The following SSUH2 variants were observed in gnomAD, a reference collection of about 807,000 sequenced individuals.
SSUH2 encodes ssu-2 homolog.
In SSUH2, 47 loss-of-function variants were observed where a neutral mutation model predicts 55.3. The ratio of observed to expected loss-of-function variants is 0.85; its 90% CI spans 0.67 to 1.08. SSUH2 has a LOEUF of 1.08. Ranked by LOEUF, SSUH2 falls within the 50% of genes least tolerant of loss-of-function variation. The probability of loss-of-function intolerance (pLI) is 0.00; values close to 1 mark genes in which losing one functional copy is unlikely to be tolerated. For synonymous variants in SSUH2, 212 were observed against 191.5 expected, an observed-to-expected ratio of 1.11 and a Z score of -0.89; for missense variants, 535 against 490.7, an observed-to-expected ratio of 1.09 and a Z score of -0.85.
chr3:8,649,618 TC>T (rs904222716), upstream of SSUH2, among the ~76,000 whole-genome samples: 1 of 151,954 alleles, frequency 6.6e-6, no homozygotes, highest in Non-Finnish European at 1.5e-5. Context: ...CTGCTTTCAC[TC>T]CCCCTTTTCC....
chr3:8,621,310 C>A (rs959843538), intron 11 of SSUH2, among the ~76,000 whole-genome samples: 9 of 152,136 alleles, frequency 5.9e-5, no homozygotes, highest in Non-Finnish European at 1.2e-4. Context: ...GGAAAAGAAC[C>A]CCAAGTCCTC....
intron 11 of SSUH2, among the ~76,000 whole-genome samples, 159 bp from the exon 12 acceptor site, chr3:8,620,173 C>A (rs550142258): frequency 1.3e-5 from 2 of 152,252 alleles, no homozygotes; most frequent in East Asian, 3.9e-4. Flanking sequence ...CCAAATCTCA[C>A]CTTGAATTAT....
At chr3:8,675,831 G>T (rs574393281) in intron 3 of SSUH2, among the ~76,000 whole-genome samples, 31 of 152,200 alleles carry the variant, frequency 2.0e-4, no homozygotes, top group Non-Finnish European at 4.0e-4. Context: ...CCAGCCCTGG[G>T]GCTACCGGAT....
In SSUH2 at chr3:8,663,763, C is replaced by A. The variant is rs143369437; in HGVS notation, c.-415G>T. 550 of 455,884 alleles carry A rather than the reference C, an allele frequency of 1.2e-3. 2 individuals carry two copies. The highest frequency in any genetic ancestry group is 0.01 in the African/African-American group (517 of 50,124). The allele number at this position is 455,884 out of a possible 1,614,324, so 28.2% of individuals were successfully genotyped here. On this transcript the variant is annotated 5_prime_UTR_variant, in exon 6 of 19. Transcript: ENST00000317371. ...TCTTACCTTAACAAGGATTTCCCAA[C>A]AACTGGTTTCCATAGGTACCACAGG...
chr3:8,665,227 GA>G (rs1413580295), intron 5 of SSUH2, among the ~76,000 whole-genome samples: 1 of 152,174 alleles, frequency 6.6e-6, no homozygotes, highest in Non-Finnish European at 1.5e-5. Flanking sequence ...GAAAATGGAT[GA>G]AAGAAATGAA....
intron 9 of SSUH2, 98 bp from the exon 10 acceptor site, chr3:8,625,745 G>T: frequency 2.6e-6 from 2 of 772,972 alleles, no homozygotes; most frequent in South Asian, 3.2e-5. Context: ...GGCTTGAATT[G>T]CTACTGGAGG....
intron 7 of SSUH2, 197 bp downstream of exon 7, chr3:8,629,465 GAA>G: frequency 1.7e-6 from 1 of 584,126 alleles, no homozygotes; most frequent in Non-Finnish European, 3.0e-6. Flanking sequence ...CTGTCAAAGT[GAA>G]AGTGTCATTA....
At chr3:8,656,935 C>T (rs1370393442) in intron 7 of SSUH2, among the ~76,000 whole-genome samples, 1 of 152,188 alleles carries the variant, frequency 6.6e-6, no homozygotes, top group Non-Finnish European at 1.5e-5. Flanking sequence ...GGCTGGAGTG[C>T]AGTAGCACAG....
At chr3:8,641,101 C>T (rs1030781975) in intron 1 of SSUH2, among the ~76,000 whole-genome samples, 1 of 152,126 alleles carries the variant, frequency 6.6e-6, no homozygotes, top group Non-Finnish European at 1.5e-5. Context: ...CACTGGGCAC[C>T]CCCTCCAGAC....
chr3:8,661,083 T>A (rs546851764), intron 6 of SSUH2, among the ~76,000 whole-genome samples: 58 of 152,388 alleles, frequency 3.8e-4, no homozygotes, highest in African/African-American at 1.3e-3. Flanking sequence ...CTCTTGGACT[T>A]ACTGTCTGAC....
At chr3:8,679,439 T>TTG in intron 2 of SSUH2, among the ~76,000 whole-genome samples, 2 of 118,552 alleles carry the variant, frequency 1.7e-5, no homozygotes, top group East Asian at 3.2e-4. Context: ...AGGACCCCCA[T>TTG]CACAGCGGGG....
At position 8,681,136 on chromosome 3, in the gene SSUH2, C is replaced by T. The variant is rs1399108005; in HGVS notation, c.-1046+755G>A. Among the ~76,000 whole-genome samples, 8 of 107,138 alleles carry T rather than the reference C, an allele frequency of 7.5e-5. 1 individual carries two copies. Among genetic ancestry groups the T allele is most frequent in the Non-Finnish European group, 1.6e-4 (7 of 44,518 alleles). 70.3% of individuals were successfully genotyped at this position (107,138 alleles called of 152,430 possible). A position where few individuals can be genotyped will look rare whatever the true frequency, so the allele number is the denominator to read the frequency against. ...TTCTGAGAGCCAGCCCCTCTTCCCC[C>T]CCTGCCTCTTAGGACTTCCATAGCA... On this transcript the variant is annotated intron_variant, in intron 1 of 18. Transcript: ENST00000317371.
chr3:8,678,035 C>T (rs425090), intron 2 of SSUH2, among the ~76,000 whole-genome samples: 9,679 of 151,882 alleles, frequency 0.064, 397 homozygotes, highest in East Asian at 0.16. Flanking sequence ...TATCGCGTGT[C>T]ATATCCTCCT....
At chr3:8,620,131 G>C in intron 11 of SSUH2, 117 bp from the exon 12 acceptor site, 2 of 1,132,726 alleles carry the variant, frequency 1.8e-6, no homozygotes, top group Non-Finnish European at 2.5e-6. Flanking sequence ...TCTGGAGTTG[G>C]CATTCAATAT....
chr3:8,638,298 C>T (rs1240502204), intron 1 of SSUH2, among the ~76,000 whole-genome samples: 1 of 152,168 alleles, frequency 6.6e-6, no homozygotes, highest in African/African-American at 2.4e-5. Flanking sequence ...GAATGAACAC[C>T]CCCTCTCTAC....
chr3:8,631,034 T>A (rs919650121), intron 5 of SSUH2, 105 bp from the exon 6 acceptor site: 19 of 1,195,714 alleles, frequency 1.6e-5, no homozygotes, highest in Non-Finnish European at 1.9e-5. Context: ...CAGGCATGAG[T>A]CTAGATCCTG....
At chr3:8,641,142 G>C (rs969265538) in intron 1 of SSUH2, among the ~76,000 whole-genome samples, 1 of 152,174 alleles carries the variant, frequency 6.6e-6, no homozygotes, top group East Asian at 1.9e-4. Flanking sequence ...TCCAAAGCCT[G>C]CCTGAGTGCG....
intron 3 of SSUH2, among the ~76,000 whole-genome samples, chr3:8,676,056 C>T (rs150156734): frequency 2.6e-5 from 4 of 152,068 alleles, no homozygotes; most frequent in African/African-American, 9.7e-5. Flanking sequence ...AAAACCTGAA[C>T]ATAAAGGCCC....
At chr3:8,675,208 G>T (rs74333649) in intron 3 of SSUH2, among the ~76,000 whole-genome samples, 21,650 of 152,120 alleles carry the variant, frequency 0.14, 1,704 homozygotes, top group East Asian at 0.24. Flanking sequence ...CCTGAAAGAC[G>T]CTTTCTTTCC....
Sources: allele counts gnomAD v4.1 joint callset (sites outside exome capture counted in the v4.1 genomes callset), GRCh38; gene constraint gnomAD v4.1.1; transcripts MANE v1.5; gene names NCBI Gene and HGNC (gene_info 2026-07-23, HGNC 2026-07-21).